The following ERC1 variants were observed in gnomAD, a reference collection of about 807,000 sequenced individuals.
ERC1 encodes the protein RAB6 interacting protein 2.
A neutral mutation model predicts 132.0 loss-of-function variants in ERC1; 56 were observed. That is an observed-to-expected ratio of 0.42 (90% CI 0.34 to 0.53). The LOEUF is 0.53. Ranked by LOEUF, ERC1 falls within the 20% of genes least tolerant of loss-of-function variation. The pLI is 0.03. For missense variants in ERC1, 1,202 were observed against 1,349.9 expected (o/e 0.89, Z 1.72); for synonymous variants, 478 against 476.1 (o/e 1.00, Z -0.05).
chr12:1,200,760 G>A (rs946068196), intron 12 of ERC1, among the ~76,000 whole-genome samples: 10 of 151,962 alleles, frequency 6.6e-5, no homozygotes, highest in Admixed American at 2.0e-4. Context: ...GGGTTTCACC[G>A]TGTTAGCCAG....
chr12:1,349,877 T>C (rs2084846961), intron 15 of ERC1, among the ~76,000 whole-genome samples: 1 of 152,178 alleles, frequency 6.6e-6, no homozygotes, highest in Non-Finnish European at 1.5e-5. Context: ...CTTGCCAGTG[T>C]TGGTTTAAAG....
At chr12:1,250,875 T>A (rs1475349037) in intron 13 of ERC1, among the ~76,000 whole-genome samples, 1 of 152,084 alleles carries the variant, frequency 6.6e-6, no homozygotes, top group Non-Finnish European at 1.5e-5. Flanking sequence ...TTGAAAGAGG[T>A]TGTTGTGAGA....
At chr12:1,127,256 G>C (rs1948288603) in intron 7 of ERC1, among the ~76,000 whole-genome samples, 4 of 152,156 alleles carry the variant, frequency 2.6e-5, no homozygotes, top group African/African-American at 9.7e-5. Flanking sequence ...AAATGACGTA[G>C]GTGGTTTCAG....
chr12:1,398,959 TTG>T (rs1328770655), intron 16 of ERC1, among the ~76,000 whole-genome samples: 696 of 59,396 alleles, frequency 0.012, 143 homozygotes, highest in African/African-American at 0.057. Flanking sequence ...TTTTTTTTTT[TTG>T]TTGAAACAAG....
intron 2 of ERC1, among the ~76,000 whole-genome samples, chr12:1,060,233 A>G (rs1311298193): frequency 2.0e-5 from 3 of 150,998 alleles, no homozygotes; most frequent in Non-Finnish European, 4.4e-5. Flanking sequence ...TGTGCAGGTT[A>G]GTTACATATG....
chr12:1,077,034 T>G (rs907075599), intron 2 of ERC1, among the ~76,000 whole-genome samples: 1 of 152,214 alleles, frequency 6.6e-6, no homozygotes, highest in Non-Finnish European at 1.5e-5. Flanking sequence ...AAAACTCTTT[T>G]GCGTGTTACA....
At chr12:1,438,513 T>A (rs1226160214) in intron 17 of ERC1, among the ~76,000 whole-genome samples, 1 of 152,210 alleles carries the variant, frequency 6.6e-6, no homozygotes, top group African/African-American at 2.4e-5. Flanking sequence ...TCTGAAGACT[T>A]CAGCAGGTAA....
rs185347326 is a variant in ERC1 at position 1,200,582 on chromosome 12, G to A, written c.2351+10530G>A. ...CCTTTTCTTTTTTTTTTTCTGAGGC[G>A]GAGTCTCTCTCTGTCGCCCAGGCTG... is the stretch of plus-strand genomic sequence containing the variant. On this transcript the variant is annotated intron_variant, in intron 12 of 18. Coordinates refer to ENST00000360905, the MANE Select transcript of ERC1 (RefSeq NM_178040.4). Among the ~76,000 whole-genome samples the A allele has an allele frequency of 1.4e-3, 202 of 149,356 alleles. 3 individuals carry two copies. Among genetic ancestry groups the A allele is most frequent in the Admixed American group, 0.013 (188 of 15,022 alleles).
intron 2 of ERC1, 54 bp downstream of exon 2, chr12:1,028,626 A>G: frequency 2.8e-6 from 4 of 1,405,130 alleles, no homozygotes; most frequent in East Asian, 2.3e-5. Flanking sequence ...TATAAATGAA[A>G]TAGCCTTTTT....
intron 15 of ERC1, among the ~76,000 whole-genome samples, chr12:1,296,915 G>A (rs926775872): frequency 2.6e-5 from 4 of 152,120 alleles, no homozygotes; most frequent in African/African-American, 9.7e-5. Context: ...GCAGATGAAA[G>A]ACAGTTTTTA....
At chr12:1,272,962 A>ACC (rs1566450641) in intron 14 of ERC1, among the ~76,000 whole-genome samples, 1 of 148,538 alleles carries the variant, frequency 6.7e-6, no homozygotes, top group African/African-American at 2.5e-5. Flanking sequence ...AAAAAAAAAA[A>ACC]AAAAAAAAAA....
chr12:1,204,470 A>C, intron 12 of ERC1: 1 of 1,569,428 alleles, frequency 6.4e-7, no homozygotes, highest in Non-Finnish European at 8.6e-7. Flanking sequence ...TCTTTTTCAC[A>C]TTTTCTTCCT....
intron 18 of ERC1, among the ~76,000 whole-genome samples, chr12:1,483,695 T>A (rs2094137294): frequency 1.2e-5 from 1 of 80,018 alleles, no homozygotes; most frequent in Non-Finnish European, 2.5e-5. Flanking sequence ...TTTTTTTTTT[T>A]TTTTTTTTTT....
intron 15 of ERC1, among the ~76,000 whole-genome samples, chr12:1,304,416 G>A (rs564717562): frequency 2.6e-5 from 4 of 152,276 alleles, no homozygotes; most frequent in Middle Eastern, 3.4e-3. Flanking sequence ...ACAGAGTCCC[G>A]TGCCAAGTCA....
intron 15 of ERC1, among the ~76,000 whole-genome samples, chr12:1,333,813 T>A (rs927163942): frequency 1.3e-5 from 2 of 152,252 alleles, no homozygotes; most frequent in African/African-American, 4.8e-5. Flanking sequence ...TCTTTAGTTC[T>A]TTGAGGAATC....
At chr12:1,052,762 G>T (rs1415074441) in intron 2 of ERC1, among the ~76,000 whole-genome samples, 1 of 152,104 alleles carries the variant, frequency 6.6e-6, no homozygotes, top group Non-Finnish European at 1.5e-5. Context: ...CTGAGGTCGG[G>T]AGTTCAAGAT....
At chr12:1,457,598 A>T (rs1055777590) in intron 18 of ERC1, among the ~76,000 whole-genome samples, 1 of 152,160 alleles carries the variant, frequency 6.6e-6, no homozygotes, top group Non-Finnish European at 1.5e-5. Flanking sequence ...GTACTCTCTA[A>T]ATATTAGTTG....
At chr12:1,046,950 G>A (rs1390114912) in intron 2 of ERC1, among the ~76,000 whole-genome samples, 1 of 152,184 alleles carries the variant, frequency 6.6e-6, no homozygotes, top group Admixed American at 6.6e-5. Flanking sequence ...TAGGAAAAGA[G>A]GAAAGTAGCC....
chr12:1,460,724 G>A (rs2093627316), intron 18 of ERC1, among the ~76,000 whole-genome samples: 1 of 151,442 alleles, frequency 6.6e-6, no homozygotes, highest in Non-Finnish European at 1.5e-5. Flanking sequence ...AGGTGGTGGT[G>A]GTGGTGTTTT....
Sources: gnomAD v4.1 joint callset for allele counts (sites outside exome capture counted in the v4.1 genomes callset) on GRCh38, gnomAD v4.1.1 for gene constraint, MANE v1.5 for transcripts, NCBI Gene and HGNC (gene_info 2026-07-23, HGNC 2026-07-21) for gene names.